The following ADAMTSL1 variants were observed in gnomAD, a reference collection of about 807,000 sequenced individuals.
ADAMTSL1 encodes ADAMTS like 1.
ADAMTSL1 carries 126 observed loss-of-function variants against 201.8 expected under a neutral mutation model. The observed-to-expected ratio is 0.62, with a 90% CI of 0.54 to 0.72. The LOEUF is 0.72. Among genes scored for constraint, ADAMTSL1 ranks in the 30% least tolerant of loss-of-function variants. The pLI is 0.00. For missense variants in ADAMTSL1, 2,679 were observed against 2,277.8 expected (o/e 1.18, Z -3.59); for synonymous variants, 1,121 against 903.4 (o/e 1.24, Z -4.32).
chr9:18,606,954 G>A (rs367908995), intron 4 of ADAMTSL1, among the ~76,000 whole-genome samples: 2 of 152,220 alleles, frequency 1.3e-5, no homozygotes, highest in East Asian at 3.9e-4. Context: ...AAGACAAAAG[G>A]TTTTGTGGCT....
intron 20 of ADAMTSL1, among the ~76,000 whole-genome samples, chr9:18,805,800 G>C (rs996814422): frequency 6.6e-6 from 1 of 152,160 alleles, no homozygotes; most frequent in South Asian, 2.1e-4. Context: ...TCAGTCATTA[G>C]ATTTGGCTTC....
intron 1 of ADAMTSL1, among the ~76,000 whole-genome samples, chr9:17,926,161 T>C (rs1398334030): frequency 2.0e-5 from 3 of 152,296 alleles, no homozygotes; most frequent in Middle Eastern, 3.4e-3. Context: ...ATACTGCTTG[T>C]ACGTTTTATG....
intron 1 of ADAMTSL1, among the ~76,000 whole-genome samples, chr9:18,068,643 A>G (rs1182164922): frequency 1.3e-5 from 2 of 152,322 alleles, no homozygotes; most frequent in East Asian, 1.9e-4. Flanking sequence ...AGCTGGAGCC[A>G]TGACTGACTA....
intron 26 of ADAMTSL1, 106 bp from the exon 27 acceptor site, chr9:18,905,676 C>A: frequency 1.2e-6 from 1 of 803,502 alleles, no homozygotes; most frequent in South Asian, 1.6e-5. Flanking sequence ...CTGAGAGCCT[C>A]CAACAAGACC....
chr9:18,062,229 A>G (rs2131702580), intron 1 of ADAMTSL1, among the ~76,000 whole-genome samples: 1 of 152,328 alleles, frequency 6.6e-6, no homozygotes, highest in South Asian at 2.1e-4. Context: ...CTGATTGAAA[A>G]ATGTCATGAT....
intron 23 of ADAMTSL1, among the ~76,000 whole-genome samples, chr9:18,853,619 A>G (rs963068880): frequency 7.2e-5 from 11 of 152,214 alleles, no homozygotes; most frequent in African/African-American, 2.2e-4. Flanking sequence ...AAGGCAGTTT[A>G]GATTCAGGAA....
intron 12 of ADAMTSL1, 76 bp from the exon 13 acceptor site, chr9:18,684,640 G>C: frequency 1.3e-6 from 2 of 1,485,792 alleles, no homozygotes; most frequent in Middle Eastern, 1.8e-4. Context: ...TCTTGGTGAG[G>C]AGAATAAGGA....
chr9:18,180,695 A>T (rs1828426151), intron 2 of ADAMTSL1, among the ~76,000 whole-genome samples: 1 of 152,178 alleles, frequency 6.6e-6, no homozygotes, highest in African/African-American at 2.4e-5. Context: ...AATATCATGA[A>T]AATGGCCATA....
chr9:18,892,281 C>T (rs947784910), intron 25 of ADAMTSL1, 108 bp from the exon 26 acceptor site: 2 of 1,092,382 alleles, frequency 1.8e-6, no homozygotes, highest in South Asian at 3.2e-5. Context: ...GTAAAAAGGG[C>T]CTTGGCCCCA....
At chr9:18,057,192 ATTT>A (rs1822230859) in intron 1 of ADAMTSL1, among the ~76,000 whole-genome samples, 1 of 152,088 alleles carries the variant, frequency 6.6e-6, no homozygotes, top group African/African-American at 2.4e-5. Context: ...CAGACTTTGC[ATTT>A]GCCACAAAAA....
intron 1 of ADAMTSL1, among the ~76,000 whole-genome samples, chr9:18,115,761 T>C (rs1825222730): frequency 6.6e-6 from 1 of 152,164 alleles, no homozygotes; most frequent in Non-Finnish European, 1.5e-5. Context: ...ATAGTGATTT[T>C]ACAAATAGTG....
At chr9:18,311,826 G>C (rs537526451) in intron 2 of ADAMTSL1, among the ~76,000 whole-genome samples, 13 of 152,234 alleles carry the variant, frequency 8.5e-5, no homozygotes, top group African/African-American at 3.1e-4. Context: ...ATTACAAAGG[G>C]CTGCAATAAA....
intron 2 of ADAMTSL1, among the ~76,000 whole-genome samples, chr9:18,378,894 A>T (rs1182879635): frequency 6.6e-6 from 1 of 152,222 alleles, no homozygotes; most frequent in Admixed American, 6.5e-5. Flanking sequence ...CATAATTGAT[A>T]GAGTAACGTC....
At chr9:18,268,347 T>G (rs1488853064) in intron 2 of ADAMTSL1, among the ~76,000 whole-genome samples, 1 of 152,184 alleles carries the variant, frequency 6.6e-6, no homozygotes, top group Non-Finnish European at 1.5e-5. Context: ...CCCTTCTTGT[T>G]AGTTTCTTTC....
At chr9:18,346,754 T>C (rs1835736849) in intron 2 of ADAMTSL1, among the ~76,000 whole-genome samples, 1 of 152,148 alleles carries the variant, frequency 6.6e-6, no homozygotes, top group African/African-American at 2.4e-5. Context: ...CACCCGCTAA[T>C]TAACAAGAAA....
intron 2 of ADAMTSL1, among the ~76,000 whole-genome samples, chr9:18,203,558 G>A (rs766499088): frequency 1.3e-5 from 2 of 151,158 alleles, no homozygotes; most frequent in Non-Finnish European, 2.9e-5. Flanking sequence ...GAAACACAAG[G>A]TCCTAGAGTT....
intron 1 of ADAMTSL1, among the ~76,000 whole-genome samples, chr9:17,908,470 T>G (rs1825807190): frequency 1.3e-5 from 2 of 152,162 alleles, no homozygotes; most frequent in South Asian, 4.1e-4. Flanking sequence ...CTTTTTTTTT[T>G]TTTGAAACGG....
At chr9:18,399,812 C>T (rs1203927841) in intron 2 of ADAMTSL1, among the ~76,000 whole-genome samples, 1 of 152,090 alleles carries the variant, frequency 6.6e-6, no homozygotes, top group African/African-American at 2.4e-5. Flanking sequence ...ACCAGGGTTT[C>T]CTAGAGTTGC....
chr9:18,275,100 G>T (rs1434035460), intron 2 of ADAMTSL1, among the ~76,000 whole-genome samples: 1 of 152,072 alleles, frequency 6.6e-6, no homozygotes, highest in African/African-American at 2.4e-5. Flanking sequence ...GGCAAAATTT[G>T]TATTTGGCAT....
Sources: gnomAD v4.1 joint callset for allele counts (sites outside exome capture counted in the v4.1 genomes callset) on GRCh38, gnomAD v4.1.1 for gene constraint, MANE v1.5 for transcripts, NCBI Gene and HGNC (gene_info 2026-07-23, HGNC 2026-07-21) for gene names.